Variants in RANBP2 observed in about 807,000 individuals in gnomAD.
RANBP2 encodes the protein RAN binding protein 2.
A neutral mutation model predicts 303.6 loss-of-function variants in RANBP2; 57 were observed. The observed-to-expected ratio is 0.19, with a 90% confidence interval of 0.15 to 0.23. The LOEUF (loss-of-function observed/expected upper bound fraction) is 0.23, where lower values mean the gene tolerates loss of function less well. Among genes scored for constraint, RANBP2 ranks in the 10% least tolerant of loss-of-function variants. The pLI is 1.00. For synonymous variants in RANBP2, 1,167 were observed against 1,301.5 expected (o/e 0.90, Z 2.23); for missense variants, 3,138 against 3,780.8 (o/e 0.83, Z 4.46).
At chr2:108,880,544 C>T in the RANBP2 span, among the ~76,000 whole-genome samples, 13 of 152,166 alleles carry the variant, frequency 8.5e-5, no homozygotes, top group Non-Finnish European at 1.9e-4. Context: ...GACAGGCTGA[C>T]TCTCTTGTTA....
At chr2:108,907,789 G>C in the RANBP2 span, 719 of 1,580,040 alleles carry the variant, frequency 4.6e-4, 5 homozygotes, top group Middle Eastern at 9.2e-3. Flanking sequence ...GATTCAATAA[G>C]AAAGTTTTAG....
chr2:109,009,711 G>GT, the RANBP2 span, among the ~76,000 whole-genome samples: 640 of 104,002 alleles, frequency 6.2e-3, 7 homozygotes, highest in Middle Eastern at 0.02. Context: ...CCTTTTTTTT[G>GT]TTTTTTTTTT....
intron 1 of RANBP2, among the ~76,000 whole-genome samples, chr2:108,719,940 G>T (rs1230848328): frequency 2.6e-5 from 4 of 151,416 alleles, no homozygotes; most frequent in Non-Finnish European, 5.9e-5. Context: ...GACGGTGCTC[G>T]CTCCTGGGGC....
At chr2:109,302,260 C>T in the RANBP2 span, among the ~76,000 whole-genome samples, 12 of 140,288 alleles carry the variant, frequency 8.6e-5, no homozygotes, top group African/African-American at 3.0e-4. Flanking sequence ...TTTGACATAC[C>T]TGAATCCTGG....
chr2:109,533,336 T>C, the RANBP2 span, among the ~76,000 whole-genome samples: 2 of 152,242 alleles, frequency 1.3e-5, no homozygotes, highest in African/African-American at 4.8e-5. Context: ...CGTCTGTTTA[T>C]CTTTTTTGTT....
chr2:109,402,977 A>G, the RANBP2 span, among the ~76,000 whole-genome samples: 7 of 152,072 alleles, frequency 4.6e-5, no homozygotes, highest in African/African-American at 1.7e-4. Context: ...CAACGCATCG[A>G]CTGCAGTTGA....
At chr2:109,428,102 C>T in the RANBP2 span, among the ~76,000 whole-genome samples, 1 of 152,192 alleles carries the variant, frequency 6.6e-6, no homozygotes, top group Non-Finnish European at 1.5e-5. Context: ...GTGGGTGCTG[C>T]ACCTAGATGG....
the RANBP2 span, among the ~76,000 whole-genome samples, chr2:109,044,439 C>T: frequency 2.0e-5 from 3 of 151,982 alleles, no homozygotes; most frequent in African/African-American, 4.8e-5. Context: ...AGGAGAATGG[C>T]GTGAACCTGG....
At chr2:109,488,641 C>G in the RANBP2 span, among the ~76,000 whole-genome samples, 2 of 152,184 alleles carry the variant, frequency 1.3e-5, no homozygotes, top group Non-Finnish European at 2.9e-5. Flanking sequence ...CAAGCAGTTC[C>G]CGATGTGTGT....
At chr2:108,731,668 A>T in intron 4 of RANBP2, 194 bp downstream of exon 4, 1 of 1,102,264 alleles carries the variant, frequency 9.1e-7, no homozygotes, top group Non-Finnish European at 1.2e-6. Flanking sequence ...TTTATAAGTG[A>T]CATCTCATTT....
At chr2:109,435,585 G>A in the RANBP2 span, among the ~76,000 whole-genome samples, 13,328 of 152,200 alleles carry the variant, frequency 0.088, 1,851 homozygotes, top group African/African-American at 0.29. Flanking sequence ...GGCTCTTCCC[G>A]TGAGGGCACG....
the RANBP2 span, among the ~76,000 whole-genome samples, chr2:108,894,189 CAGAAAT>C: frequency 6.6e-6 from 1 of 152,160 alleles, no homozygotes; most frequent in African/African-American, 2.4e-5. Context: ...GTTTGTTACA[CAGAAAT>C]AGATAAGTGA....
chr2:109,145,361 A>G, the RANBP2 span, among the ~76,000 whole-genome samples: 8 of 152,114 alleles, frequency 5.3e-5, no homozygotes, highest in African/African-American at 1.7e-4. Context: ...GGCCCTGCTC[A>G]TGACCCTGTG....
chr2:109,640,297 C>T, the RANBP2 span, among the ~76,000 whole-genome samples: 4 of 151,864 alleles, frequency 2.6e-5, no homozygotes, highest in Non-Finnish European at 5.9e-5. Context: ...ACTAAAAATA[C>T]AAGAAGTAGC....
chr2:109,042,823 A>G, the RANBP2 span, among the ~76,000 whole-genome samples: 3 of 152,352 alleles, frequency 2.0e-5, no homozygotes, highest in East Asian at 5.8e-4. Flanking sequence ...TGACTATGAA[A>G]CTATCCAATG....
chr2:109,393,935 A>G, the RANBP2 span, among the ~76,000 whole-genome samples: 1 of 151,370 alleles, frequency 6.6e-6, no homozygotes, highest in East Asian at 1.9e-4. Context: ...TGGGGTGACT[A>G]TACTCTGGCG....
At chr2:108,953,241 C>G in the RANBP2 span, among the ~76,000 whole-genome samples, 27 of 152,296 alleles carry the variant, frequency 1.8e-4, no homozygotes, top group East Asian at 1.5e-3. Context: ...CCCTGTGAGG[C>G]ATCTGAGCTC....
At chr2:109,332,771 A>C in the RANBP2 span, among the ~76,000 whole-genome samples, 56,067 of 152,108 alleles carry the variant, frequency 0.37, 11,910 homozygotes, top group Non-Finnish European at 0.48. Context: ...GTGGAGGCAC[A>C]GGTGCTAGTG....
chr2:109,642,296 A>G, the RANBP2 span, among the ~76,000 whole-genome samples: 1 of 152,116 alleles, frequency 6.6e-6, no homozygotes, highest in Non-Finnish European at 1.5e-5. Flanking sequence ...TCAAATTTCT[A>G]CCACTAGCAT....
Sources: allele counts gnomAD v4.1 joint callset (sites outside exome capture counted in the v4.1 genomes callset), GRCh38; gene constraint gnomAD v4.1.1; transcripts MANE v1.5; gene names NCBI Gene and HGNC (gene_info 2026-07-23, HGNC 2026-07-21).